Variants in HIP1R observed in about 807,000 individuals in gnomAD.
The protein encoded by HIP1R is huntingtin-interacting protein 1-related protein.
A neutral mutation model predicts 144.2 loss-of-function variants in HIP1R; 135 were observed. That is an observed-to-expected ratio of 0.94 (90% CI 0.81 to 1.08). The LOEUF (loss-of-function observed/expected upper bound fraction) is 1.08, where lower values mean the gene tolerates loss of function less well. Among genes scored for constraint, HIP1R ranks in the 50% least tolerant of loss-of-function variants. The probability of loss-of-function intolerance (pLI) is 0.00; values close to 1 mark genes in which losing one functional copy is unlikely to be tolerated. For missense variants in HIP1R, 1,462 were observed against 1,432.8 expected (o/e 1.02, Z -0.33); for synonymous variants, 698 against 612.8 (o/e 1.14, Z -2.05).
chr12:122,837,922 C>T (rs952428868), intron 1 of HIP1R, among the ~76,000 whole-genome samples: 1 of 152,208 alleles, frequency 6.6e-6, no homozygotes. Flanking sequence ...TTGTTACTTC[C>T]ATGTCTCCTT....
chr12:122,859,294 C>G (rs532776077), intron 22 of HIP1R, 97 bp downstream of exon 22: 1 of 1,483,656 alleles, frequency 6.7e-7, no homozygotes, highest in East Asian at 2.3e-5. Flanking sequence ...GTGCGTGGAG[C>G]CTGCAGCCTC....
In HIP1R at chr12:122,858,205, G is replaced by A. The variant is rs1283269051; in HGVS notation, c.1919G>A (p.Ser640Asn). 3 of 1,608,268 alleles carry A rather than the reference G, an allele frequency of 1.9e-6. No homozygotes were observed. The African/African-American group carries it at 4.0e-5, about 21-fold the overall frequency. ...GCGGGCATCCTGCAGGATGCCGTGA[G>A]CAAGCTGGACGACCCCCTGCACCTG... The part of the protein sequence containing the change: ...EAAGILQDAV[S>N]KLDDPLHLRC... The change falls in exon 19 of 32, where the codon AGC becomes AAC. Residue 640 changes from serine to asparagine, a missense_variant. Around this residue, in one of 2 missense-constraint regions of HIP1R, gnomAD observed 1,112 missense variants for 1,011.7 expected, o/e 1.10. Transcript: ENST00000253083.
At position 122,858,912 on chromosome 12, in the gene HIP1R, A is replaced by T. The variant is rs2033678248; in HGVS notation, c.2125A>T (p.Thr709Ser). 1 of 1,612,372 alleles carries T rather than the reference A, an allele frequency of 6.2e-7. No individual in the cohort carries two copies. The highest frequency in any genetic ancestry group is 1.7e-5 in the Admixed American group (1 of 59,950). Reference sequence around the variant, plus strand: ...GGATACCATCATCAATGGCGGTGCCACCTCGCACCTGGCTCCCACCGACCC... The same window carrying T: ...GGATACCATCATCAATGGCGGTGCCTCCTCGCACCTGGCTCCCACCGACCC... ...AADTIINGGA[T>S]SHLAPTDPAD... Residue 709 changes from threonine (T) to serine (S), a missense_variant, in exon 21 of 32, where the codon ACC becomes TCC. Transcript: ENST00000253083.
intron 6 of HIP1R, 33 bp from the exon 7 acceptor site, chr12:122,851,203 T>C: frequency 6.8e-7 from 1 of 1,477,054 alleles, no homozygotes; most frequent in East Asian, 2.6e-5. Context: ...CCACCCACCC[T>C]TTTTCATTTC....
At chr12:122,852,932 CA>C (rs2033442736) in intron 7 of HIP1R, among the ~76,000 whole-genome samples, 1 of 152,118 alleles carries the variant, frequency 6.6e-6, no homozygotes, top group Non-Finnish European at 1.5e-5. Flanking sequence ...TTTAAAAAGG[CA>C]AGGGGCGGCA....
rs12820345 is a variant in HIP1R at position 122,836,032 on chromosome 12, G to A, written c.93+389G>A. Among the ~76,000 whole-genome samples the A allele has an allele frequency of 2.0e-5, 3 of 151,420 alleles. No homozygotes were observed. In the South Asian group the frequency reaches 6.2e-4, roughly 31 times the overall value. On this transcript the variant is annotated intron_variant, in intron 1 of 31. Transcript: ENST00000253083. The surrounding 1 kb of genome is among the most constrained non-coding windows in gnomAD (Gnocchi z 4.1). Reference sequence around the variant, plus strand: ...AGCCCAGCGCGCCGGGGGTCGAGGGGGCTGGGGATCCAGGTGCTCCCGGGG... The same window carrying A: ...AGCCCAGCGCGCCGGGGGTCGAGGGAGCTGGGGATCCAGGTGCTCCCGGGG...
intron 1 of HIP1R, among the ~76,000 whole-genome samples, chr12:122,846,360 G>A (rs1566103515): frequency 6.6e-6 from 1 of 152,214 alleles, no homozygotes; most frequent in African/African-American, 2.4e-5. Flanking sequence ...AGGAAAATGG[G>A]TTAGTCACCA....
upstream of HIP1R, chr12:122,835,339 G>A: frequency 2.1e-6 from 2 of 963,488 alleles, no homozygotes; most frequent in South Asian, 5.2e-5. Flanking sequence ...AGTTGGGGGC[G>A]GGCGAGGCGT....
chr12:122,856,946 T>A, intron 17 of HIP1R, 75 bp from the exon 18 acceptor site: 1 of 1,419,420 alleles, frequency 7.0e-7, no homozygotes, highest in South Asian at 1.2e-5. Context: ...CAGGGCCCAG[T>A]TTATAAGCGT....
chr12:122,858,772 C>T (rs545558392), intron 20 of HIP1R, 66 bp from the exon 21 acceptor site: 40 of 1,131,664 alleles, frequency 3.5e-5, no homozygotes, highest in East Asian at 7.1e-5. Flanking sequence ...TGGCCACCGA[C>T]GGTGGTCCCA....
At chr12:122,843,834 C>T (rs1465072648) in intron 1 of HIP1R, among the ~76,000 whole-genome samples, 2 of 152,182 alleles carry the variant, frequency 1.3e-5, no homozygotes, top group Admixed American at 6.5e-5. Flanking sequence ...TGTCTCACGG[C>T]GCTGTGGAAC....
Position 122,861,386 on chromosome 12 carries a change from C to T in HIP1R, c.3031C>T (p.Leu1011=), listed in dbSNP as rs1382974415. The T allele has an allele frequency of 6.2e-7, 1 of 1,613,546 alleles. No homozygotes were observed. Among genetic ancestry groups the T allele is most frequent in the Non-Finnish European group, 8.5e-7 (1 of 1,179,904 alleles). The change falls in exon 31 of 32, where the codon CTG becomes TTG. Residue 1011 remains leucine, a synonymous_variant. Transcript: ENST00000253083. Reference sequence around the variant, plus strand: ...GGAGTTGCGGAAGCAACACTACGTGCTGGCTGGGGCATCAGGCAGCCCTGG... The same window carrying T: ...GGAGTTGCGGAAGCAACACTACGTGTTGGCTGGGGCATCAGGCAGCCCTGG... ...LGELRKQHYV[L]AGASGSPGEE... is the part of the protein sequence containing the mutation.
intron 1 of HIP1R, among the ~76,000 whole-genome samples, chr12:122,847,623 A>C (rs1212407153): frequency 6.6e-6 from 1 of 152,250 alleles, no homozygotes; most frequent in South Asian, 2.1e-4. Context: ...CGCAAAGGCC[A>C]GGTGGGCCCC....
chr12:122,850,163 G>A (rs147270360), intron 5 of HIP1R: 15 of 681,482 alleles, frequency 2.2e-5, no homozygotes, highest in African/African-American at 3.5e-5. Context: ...TTCCGTGGAC[G>A]TGGGCACGGG....
chr12:122,855,487 C>A, intron 11 of HIP1R, 64 bp from the exon 12 acceptor site: 1 of 1,548,122 alleles, frequency 6.5e-7, no homozygotes. Context: ...GCCAGCCCTC[C>A]CTTTGCCCAC....
chr12:122,846,142 C>T (rs544603442), intron 1 of HIP1R, among the ~76,000 whole-genome samples: 155 of 152,324 alleles, frequency 1.0e-3, no homozygotes, highest in African/African-American at 3.7e-3. Context: ...TGTGACAGGA[C>T]AGCTGCTTGC....
chr12:122,855,825 C>T lies in HIP1R; in HGVS notation c.1056-6C>T. On this transcript the variant is annotated splice_region_variant and splice_polypyrimidine_tract_variant and intron_variant, in intron 12 of 31. Coordinates refer to ENST00000253083, the MANE Select transcript of HIP1R (RefSeq NM_003959.3). ...TTAACTTGAACCCCAGGACCTCTGT[C>T]CCCAGGGACCTCCAGATTGAGAGCT... 6.4e-7 allele frequency: 1 copy of T among 1,560,280 alleles called. No homozygotes were observed. Among genetic ancestry groups the T allele is most frequent in the Non-Finnish European group, 8.7e-7 (1 of 1,151,388 alleles).
Position 122,855,045 on chromosome 12 carries a change from CT to C in HIP1R, c.777-7del. On this transcript the variant is annotated splice_region_variant and splice_polypyrimidine_tract_variant and intron_variant, in intron 9 of 31. Coordinates refer to ENST00000253083, the MANE Select transcript of HIP1R (RefSeq NM_003959.3). ...TTCCTGAACCCGAACTTCCCACCATCTCTGCAGCCTCAGGAACTTCTTCCGC... is the reference window on the plus strand; with the variant it reads ...TTCCTGAACCCGAACTTCCCACCATCCTGCAGCCTCAGGAACTTCTTCCGC... 1.2e-6 allele frequency: 2 copies of C among 1,613,922 alleles called. No individual in the cohort carries two copies. Among genetic ancestry groups the C allele is most frequent in the Non-Finnish European group, 1.7e-6 (2 of 1,180,020 alleles).
In HIP1R at chr12:122,854,145, A is replaced by G. The variant is rs2033483912; in HGVS notation, c.680A>G (p.Tyr227Cys). Residue 227 changes from tyrosine to cysteine, a missense_variant, in exon 8 of 32, where the codon TAC (tyrosine) becomes TGC (cysteine). By Grantham distance (194) the Tyr-to-Cys change is radical (BLOSUM62 -2). This residue lies in a region of HIP1R where 350 missense variants were observed against 421.1 expected (regional missense o/e 0.83). Transcript: ENST00000253083. Reference protein sequence around the residue: ...IQVIQDCSHLYHYTVKLLFKL... With the variant: ...IQVIQDCSHLCHYTVKLLFKL... ...GTCATCCAGGACTGCAGCCACCTCT[A>G]CCACTACACGGTCAAGCTCCTGTTC... 2 of 1,613,800 alleles carry G rather than the reference A, an allele frequency of 1.2e-6. No homozygotes were observed. The highest frequency in any genetic ancestry group is 1.7e-5 in the Admixed American group (1 of 60,022).
Sources: allele counts gnomAD v4.1 joint callset (sites outside exome capture counted in the v4.1 genomes callset), GRCh38; gene constraint gnomAD v4.1.1; regional missense constraint gnomAD v4.1.1; non-coding constraint Gnocchi (gnomAD v3.1); transcripts MANE v1.5; gene names NCBI Gene and HGNC (gene_info 2026-07-23, HGNC 2026-07-21).